KCNIP4: variants seen among roughly 807,000 people sequenced by gnomAD.
The protein encoded by KCNIP4 is potassium voltage-gated channel interacting protein 4, also known as Kv channel-interacting protein 4.
Under a neutral mutation model 34.0 loss-of-function variants are expected in KCNIP4, and 12 were observed. That is an observed-to-expected ratio of 0.35 (90% confidence interval 0.23 to 0.57). KCNIP4 has a LOEUF of 0.57. Ranked by LOEUF, KCNIP4 falls within the 20% of genes least tolerant of loss-of-function variation. The pLI is 0.83. For missense variants in KCNIP4, 238 were observed against 311.7 expected (o/e 0.76, Z 1.78); for synonymous variants, 124 against 102.2 (o/e 1.21, Z -1.29).
intron 1 of KCNIP4, among the ~76,000 whole-genome samples, chr4:21,532,039 T>C (rs1476466014): frequency 6.6e-6 from 1 of 152,136 alleles, no homozygotes; most frequent in Admixed American, 6.5e-5. Context: ...CGGTGCATGA[T>C]ACATATTTTC....
intron 1 of KCNIP4, among the ~76,000 whole-genome samples, chr4:21,148,130 G>A (rs998306709): frequency 3.3e-5 from 5 of 151,946 alleles, no homozygotes; most frequent in East Asian, 1.9e-4. Flanking sequence ...GCTGCCTAAT[G>A]GCTTAACCTT....
intron 1 of KCNIP4, among the ~76,000 whole-genome samples, chr4:21,353,784 G>A (rs1718268367): frequency 6.6e-6 from 1 of 152,072 alleles, no homozygotes; most frequent in Admixed American, 6.6e-5. Flanking sequence ...TTCAAATTCA[G>A]GAAATACAGA....
chr4:21,675,464 C>T (rs1183438656), intron 1 of KCNIP4, among the ~76,000 whole-genome samples: 1 of 152,120 alleles, frequency 6.6e-6, no homozygotes, highest in African/African-American at 2.4e-5. Flanking sequence ...TTGTTTGTAA[C>T]TCAAAGGATA....
chr4:20,876,311 A>G (rs952077406), intron 2 of KCNIP4, among the ~76,000 whole-genome samples: 3 of 152,144 alleles, frequency 2.0e-5, no homozygotes, highest in African/African-American at 7.2e-5. Flanking sequence ...ATTCTTTGGT[A>G]AAAGAACTGG....
At chr4:20,778,311 A>G (rs938142687) in intron 3 of KCNIP4, among the ~76,000 whole-genome samples, 1 of 152,224 alleles carries the variant, frequency 6.6e-6, no homozygotes, top group Non-Finnish European at 1.5e-5. Flanking sequence ...CCATAGAGTT[A>G]ATACAACCAT....
intron 4 of KCNIP4, among the ~76,000 whole-genome samples, chr4:20,754,474 C>T (rs940352014): frequency 2.0e-5 from 3 of 152,174 alleles, no homozygotes; most frequent in Non-Finnish European, 2.9e-5. Flanking sequence ...CACATGAATT[C>T]GCCTGCCATC....
At chr4:21,029,873 G>T (rs1027594019) in intron 1 of KCNIP4, among the ~76,000 whole-genome samples, 2 of 152,034 alleles carry the variant, frequency 1.3e-5, no homozygotes, top group African/African-American at 2.4e-5. Flanking sequence ...TGTTTCCATT[G>T]GTGTTTTACT....
chr4:21,588,315 C>T (rs1320979775), intron 1 of KCNIP4, among the ~76,000 whole-genome samples: 2 of 151,960 alleles, frequency 1.3e-5, no homozygotes, highest in African/African-American at 4.8e-5. Context: ...ATTACCAAAT[C>T]AAAGGTTGTT....
intron 1 of KCNIP4, among the ~76,000 whole-genome samples, chr4:21,874,496 G>A (rs1018184228): frequency 2.0e-5 from 3 of 152,162 alleles, no homozygotes; most frequent in African/African-American, 7.2e-5. Flanking sequence ...CAGAGGGAGA[G>A]AGAATGGCTG....
At chr4:21,170,001 C>A (rs1411565088) in intron 1 of KCNIP4, among the ~76,000 whole-genome samples, 1 of 152,098 alleles carries the variant, frequency 6.6e-6, no homozygotes, top group Non-Finnish European at 1.5e-5. Context: ...AATTAAACTT[C>A]TGTCTATCAG....
chr4:21,459,067 TC>T (rs1164586666), intron 1 of KCNIP4, among the ~76,000 whole-genome samples: 1 of 150,212 alleles, frequency 6.7e-6, no homozygotes, highest in Non-Finnish European at 1.5e-5. Context: ...ACCATCATCA[TC>T]ATTATCATCA....
At chr4:21,665,610 G>A (rs1184642683) in intron 1 of KCNIP4, among the ~76,000 whole-genome samples, 1 of 151,676 alleles carries the variant, frequency 6.6e-6, no homozygotes, top group African/African-American at 2.4e-5. Context: ...GCACAGATAG[G>A]AACATTTCAA....
At chr4:20,759,356 T>C (rs544853729) in intron 3 of KCNIP4, among the ~76,000 whole-genome samples, 74 of 152,284 alleles carry the variant, frequency 4.9e-4, no homozygotes, top group African/African-American at 1.8e-3. Context: ...CAACCAGTAA[T>C]AGATACTAAT....
chr4:21,458,501 C>T (rs1729159502), intron 1 of KCNIP4, among the ~76,000 whole-genome samples: 1 of 151,788 alleles, frequency 6.6e-6, no homozygotes, highest in Non-Finnish European at 1.5e-5. Context: ...TGTCAATGTC[C>T]CACCGAATAG....
At chr4:21,855,708 T>C (rs1724707233) in intron 1 of KCNIP4, 1 of 152,230 alleles carries the variant, frequency 6.6e-6, no homozygotes, top group Non-Finnish European at 1.5e-5. Flanking sequence ...CACTCTTTAT[T>C]CTTCATTTTT....
At chr4:21,899,111 G>A (rs538586751) in intron 1 of KCNIP4, among the ~76,000 whole-genome samples, 3 of 152,234 alleles carry the variant, frequency 2.0e-5, no homozygotes, top group Non-Finnish European at 4.4e-5. Flanking sequence ...TTTATCCCAG[G>A]GATGCAAGGA....
chr4:21,695,080 A>G (rs1712158883), intron 1 of KCNIP4, among the ~76,000 whole-genome samples: 1 of 152,104 alleles, frequency 6.6e-6, no homozygotes, highest in Non-Finnish European at 1.5e-5. Context: ...ATCCAACCTT[A>G]AAGGAAATTT....
intron 1 of KCNIP4, among the ~76,000 whole-genome samples, chr4:21,115,101 T>C (rs1749572420): frequency 6.6e-6 from 1 of 152,170 alleles, no homozygotes; most frequent in Admixed American, 6.6e-5. Context: ...CTTTTGTCCC[T>C]TCCCTCACAT....
chr4:21,247,662 T>C (rs1760330936), intron 1 of KCNIP4, among the ~76,000 whole-genome samples: 1 of 127,538 alleles, frequency 7.8e-6, no homozygotes, highest in Non-Finnish European at 1.5e-5. Flanking sequence ...TCTATATATT[T>C]AGATATATCT....
Sources: gnomAD v4.1 joint callset for allele counts (sites outside exome capture counted in the v4.1 genomes callset) on GRCh38, gnomAD v4.1.1 for gene constraint, MANE v1.5 for transcripts, NCBI Gene and HGNC (gene_info 2026-07-23, HGNC 2026-07-21) for gene names.